BACH2: variants seen among roughly 807,000 people sequenced by gnomAD.
BACH2 encodes the protein BACH transcriptional regulator 2, also known as transcription regulator protein BACH2.
A neutral mutation model predicts 61.8 loss-of-function variants in BACH2; 5 were observed. The ratio of observed to expected loss-of-function variants is 0.08; its 90% CI spans 0.04 to 0.17. BACH2 has a LOEUF of 0.17. BACH2 is among the 10% of genes least tolerant of loss of function. The pLI, the probability that BACH2 is intolerant of heterozygous loss-of-function variation, is 1.00. For missense variants in BACH2, 824 were observed against 1,091.1 expected, an observed-to-expected ratio of 0.76 and a Z score of 3.45; for synonymous variants, 446 against 440.1, an observed-to-expected ratio of 1.01 and a Z score of -0.17.
At chr6:90,149,693 G>A (rs1025140926) in intron 4 of BACH2, among the ~76,000 whole-genome samples, 12 of 152,208 alleles carry the variant, frequency 7.9e-5, no homozygotes, top group African/African-American at 2.9e-4. Context: ...AAATCCAATT[G>A]CTGGATATAT....
At chr6:90,146,061 G>A (rs908882322) in intron 4 of BACH2, among the ~76,000 whole-genome samples, 1 of 152,212 alleles carries the variant, frequency 6.6e-6, no homozygotes, top group African/African-American at 2.4e-5. Context: ...ATAGACTTAT[G>A]TGCATGTGCA....
chr6:90,076,243 T>C (rs1156553750), intron 5 of BACH2, among the ~76,000 whole-genome samples: 1 of 152,128 alleles, frequency 6.6e-6, no homozygotes, highest in Non-Finnish European at 1.5e-5. Flanking sequence ...AAATGCATTA[T>C]GTTACCGAGC....
chr6:90,023,488 C>T (rs1220192150), intron 5 of BACH2, among the ~76,000 whole-genome samples: 1 of 152,170 alleles, frequency 6.6e-6, no homozygotes, highest in Non-Finnish European at 1.5e-5. Context: ...GGCCTCCCCA[C>T]AAGCAGATAC....
chr6:90,235,138 C>T (rs1770217521), intron 3 of BACH2, among the ~76,000 whole-genome samples: 1 of 152,110 alleles, frequency 6.6e-6, no homozygotes, highest in Non-Finnish European at 1.5e-5. Flanking sequence ...AGATTTAACA[C>T]CTAATTTGCA....
At chr6:90,010,817 T>G (rs753731534) in intron 5 of BACH2, among the ~76,000 whole-genome samples, 14 of 152,240 alleles carry the variant, frequency 9.2e-5, no homozygotes, top group Admixed American at 2.0e-4. Flanking sequence ...TTGGGTTTAA[T>G]TTGCTTTCTC....
rs1772419590 is a variant in BACH2, at chr6:90,296,819, A to AGGC, written c.-788_-786dup. The AGGC allele has an allele frequency of 5.7e-6, 1 of 175,064 alleles. No homozygotes were observed. Among genetic ancestry groups the AGGC allele is most frequent in the Admixed American group, 6.5e-5 (1 of 15,500 alleles). The allele number at this position is 175,064 out of a possible 1,614,324, so 10.8% of individuals were successfully genotyped here. A position where few individuals can be genotyped will look rare whatever the true frequency, so the allele number is the denominator to read the frequency against. On this transcript the variant is annotated 5_prime_UTR_variant, in exon 1 of 9. Transcript: ENST00000257749. Reference sequence around the variant, plus strand: ...GCTGCTGCTGCTGCTGCTGCTGCTGAGGCGGCGGCGGCTCGGCGCTGTTTG... The same window carrying AGGC: ...GCTGCTGCTGCTGCTGCTGCTGCTGAGGCGGCGGCGGCGGCTCGGCGCTGTTTG...
At chr6:90,124,037 C>G (rs1293023028) in intron 4 of BACH2, among the ~76,000 whole-genome samples, 2 of 152,048 alleles carry the variant, frequency 1.3e-5, no homozygotes, top group African/African-American at 4.8e-5. Flanking sequence ...ACTGATATCT[C>G]CACTTAAGGG....
chr6:90,096,624 C>T (rs2127809992), intron 4 of BACH2, among the ~76,000 whole-genome samples: 1 of 152,280 alleles, frequency 6.6e-6, no homozygotes, highest in Admixed American at 6.5e-5. Flanking sequence ...AGTACAGTGA[C>T]AGGTACACAT....
At chr6:90,012,000 T>G (rs1006986488) in intron 5 of BACH2, among the ~76,000 whole-genome samples, 1 of 144,144 alleles carries the variant, frequency 6.9e-6, no homozygotes, top group African/African-American at 2.5e-5. Context: ...CTCGCCATAT[T>G]GCCCAGGCTA....
At chr6:90,224,084 T>C (rs1440128435) in intron 3 of BACH2, among the ~76,000 whole-genome samples, 1 of 152,228 alleles carries the variant, frequency 6.6e-6, no homozygotes, top group African/African-American at 2.4e-5. Context: ...GGCACAGTTG[T>C]ATTGGAAATT....
At chr6:90,100,728 GACAC>G (rs367693277) in intron 4 of BACH2, among the ~76,000 whole-genome samples, 5 of 142,268 alleles carry the variant, frequency 3.5e-5, no homozygotes, top group African/African-American at 1.0e-4. Flanking sequence ...CACACACACA[GACAC>G]ACACACACAC....
At chr6:90,152,063 C>T (rs2127830197) in intron 4 of BACH2, among the ~76,000 whole-genome samples, 2 of 152,300 alleles carry the variant, frequency 1.3e-5, no homozygotes, top group East Asian at 3.9e-4. Flanking sequence ...TTCTCTGCAG[C>T]AATAAATCAG....
chr6:89,943,952 C>T (rs954374829), intron 7 of BACH2, among the ~76,000 whole-genome samples: 1 of 152,198 alleles, frequency 6.6e-6, no homozygotes, highest in South Asian at 2.1e-4. Flanking sequence ...AAGCAATATG[C>T]CCATTGGAGA....
At position 90,033,491 on chromosome 6, in the gene BACH2, G is replaced by T. The variant is rs1779114151; in HGVS notation, c.-12-24635C>A. On this transcript the variant is annotated intron_variant, in intron 5 of 8. Coordinates refer to ENST00000257749, the MANE Select transcript of BACH2 (RefSeq NM_021813.4). ...CTTTAATAACTTATAATTTGGAATTGTAAGACATTGGACCCAACACAACCA... is the reference window on the plus strand; with the variant it reads ...CTTTAATAACTTATAATTTGGAATTTTAAGACATTGGACCCAACACAACCA... Among the ~76,000 whole-genome samples, 2 of 151,884 alleles carry T rather than the reference G, an allele frequency of 1.3e-5. 1 individual carries two copies. The highest frequency in any genetic ancestry group is 1.3e-4 in the Admixed American group (2 of 15,242).
intron 2 of BACH2, among the ~76,000 whole-genome samples, chr6:90,259,743 T>C (rs1440009237): frequency 2.6e-5 from 4 of 152,150 alleles, no homozygotes; most frequent in East Asian, 3.8e-4. Context: ...CTCCAATCTA[T>C]TTGTGATTGG....
intron 5 of BACH2, among the ~76,000 whole-genome samples, chr6:90,069,995 A>G (rs1562419318): frequency 6.6e-6 from 1 of 152,162 alleles, no homozygotes; most frequent in Non-Finnish European, 1.5e-5. Context: ...CCTCAGCTCC[A>G]GAGGGTGGAA....
chr6:90,197,586 T>C (rs191027001), intron 4 of BACH2, among the ~76,000 whole-genome samples: 181 of 152,294 alleles, frequency 1.2e-3, no homozygotes, highest in African/African-American at 4.0e-3. Context: ...CTGGCCGTTG[T>C]TGTAGGAACC....
chr6:90,216,954 G>C (rs184984371), intron 3 of BACH2, among the ~76,000 whole-genome samples: 1 of 152,260 alleles, frequency 6.6e-6, no homozygotes, highest in East Asian at 1.9e-4. Context: ...AAATCCTGAC[G>C]GGGAGGGAAC....
At chr6:90,155,776 T>C (rs937906154) in intron 4 of BACH2, among the ~76,000 whole-genome samples, 1 of 152,158 alleles carries the variant, frequency 6.6e-6, no homozygotes, top group African/African-American at 2.4e-5. Flanking sequence ...TTATTTTCTG[T>C]TTTCCTCCAA....
Sources: allele counts gnomAD v4.1 joint callset (sites outside exome capture counted in the v4.1 genomes callset), GRCh38; gene constraint gnomAD v4.1.1; transcripts MANE v1.5; gene names NCBI Gene and HGNC (gene_info 2026-07-23, HGNC 2026-07-21).